The following GAK variants were observed in gnomAD, a reference collection of about 807,000 sequenced individuals.
GAK encodes the protein cyclin G associated kinase.
Under a neutral mutation model 143.9 loss-of-function variants are expected in GAK, and 79 were observed. The ratio of observed to expected loss-of-function variants is 0.55; its 90% confidence interval spans 0.46 to 0.66. The LOEUF (loss-of-function observed/expected upper bound fraction) is 0.66, where lower values mean the gene tolerates loss of function less well. Ranked by LOEUF, GAK falls within the 30% of genes least tolerant of loss-of-function variation. The pLI is 0.00. For missense variants in GAK, 1,693 were observed against 1,779.7 expected, an observed-to-expected ratio of 0.95 and a Z score of 0.88; for synonymous variants, 881 against 765.5, an observed-to-expected ratio of 1.15 and a Z score of -2.49.
At chr4:905,501 T>TGCCACGCTACGGACTCCGCCACGCCCCAG (rs1720908392) in intron 4 of GAK, among the ~76,000 whole-genome samples, 1 of 126,192 alleles carries the variant, frequency 7.9e-6, no homozygotes. Flanking sequence ...CCACGCCCCA[T>TGCCACGCTACGGACTCCGCCACGCCCCAG]GCCACGCTAC....
chr4:918,627 T>G (rs976300701), intron 1 of GAK, among the ~76,000 whole-genome samples: 4 of 152,242 alleles, frequency 2.6e-5, no homozygotes, highest in Admixed American at 2.6e-4. Flanking sequence ...CAAAACATCA[T>G]AGCGTACATG....
chr4:898,941 G>A (rs991748635), intron 5 of GAK, among the ~76,000 whole-genome samples: 4 of 152,156 alleles, frequency 2.6e-5, no homozygotes, highest in Non-Finnish European at 4.4e-5. Context: ...ACCTTCTGGC[G>A]CAGCTCTGAT....
chr4:850,638 G>GGGGGCCCCCCCCCCCCCCCCCCCCCCC, intron 26 of GAK: 1 of 155,518 alleles, frequency 6.4e-6, no homozygotes, highest in Non-Finnish European at 1.4e-5. Context: ...CTCCTGTAAC[G>GGGGGCCCCCCCCCCCCCCCCCCCCCCC]CCCGCCCACC....
chr4:878,795 A>AC (rs1283886400), intron 15 of GAK, among the ~76,000 whole-genome samples: 5 of 151,632 alleles, frequency 3.3e-5, no homozygotes, highest in East Asian at 1.9e-4. Flanking sequence ...TGGAGCATAA[A>AC]CCCCCCAGAG....
chr4:898,533 C>T (rs1158855357), intron 5 of GAK, among the ~76,000 whole-genome samples: 1 of 152,202 alleles, frequency 6.6e-6, no homozygotes, highest in African/African-American at 2.4e-5. Flanking sequence ...AATTAAAAAC[C>T]ACCCATAAAT....
At chr4:926,401 G>C (rs1487444092) in intron 1 of GAK, among the ~76,000 whole-genome samples, 1 of 152,138 alleles carries the variant, frequency 6.6e-6, no homozygotes, top group Non-Finnish European at 1.5e-5. Context: ...CGGGGGCCAG[G>C]ACAGGGGCCC....
intron 4 of GAK, among the ~76,000 whole-genome samples, chr4:909,643 TTC>T (rs3836585): frequency 0.13 from 20,393 of 152,196 alleles, 1,754 homozygotes; most frequent in Middle Eastern, 0.3. Flanking sequence ...ATCATGGAAT[TTC>T]TCTCAGGCTG....
chr4:877,275 A>T, intron 16 of GAK, 68 bp from the exon 17 acceptor site: 16 of 1,068,038 alleles, frequency 1.5e-5, no homozygotes, highest in Non-Finnish European at 2.3e-5. Context: ...AACAACAAAA[A>T]ACAGAATGAG....
At chr4:896,741 C>T (rs1459452960) in intron 6 of GAK, among the ~76,000 whole-genome samples, 192 bp from the exon 7 acceptor site, 3 of 152,278 alleles carry the variant, frequency 2.0e-5, no homozygotes, top group Non-Finnish European at 4.4e-5. Flanking sequence ...TCGGCCTCAG[C>T]GCGCTCCTTA....
chr4:882,534 T>C (rs1203158383), intron 14 of GAK, among the ~76,000 whole-genome samples, 163 bp downstream of exon 14: 1 of 152,242 alleles, frequency 6.6e-6, no homozygotes, highest in Non-Finnish European at 1.5e-5. Flanking sequence ...ATCTGTCATC[T>C]GTCCCCTCCA....
At chr4:893,819 C>T (rs570821518) in intron 8 of GAK, 55 bp downstream of exon 8, 20 of 1,513,172 alleles carry the variant, frequency 1.3e-5, no homozygotes, top group Middle Eastern at 1.8e-4. Context: ...TCCAGAGCCA[C>T]GCGGGGTCTG....
At position 865,186 on chromosome 4, in the gene GAK, C is replaced by T; in HGVS notation, c.3102G>A (p.Leu1034=). The T allele has an allele frequency of 2.5e-6, 4 of 1,613,284 alleles. No homozygotes were observed. The highest frequency in any genetic ancestry group is 3.4e-6 in the Non-Finnish European group (4 of 1,179,864). The part of the protein sequence containing the change: ...MTASSSNPDL[L]GGWAAWTETA... ...TCTCGGTCCAGGCAGCCCATCCTCC[C>T]AGCAGGTCTGGGTTGCTGGACGAGG... Residue 1034 remains leucine (L), a synonymous_variant, in exon 23 of 28, where the codon CTG becomes CTA. Transcript: ENST00000314167.
intron 20 of GAK, among the ~76,000 whole-genome samples, chr4:867,661 G>A (rs573324358): frequency 9.4e-5 from 14 of 149,326 alleles, no homozygotes; most frequent in Admixed American, 6.0e-4. Context: ...GCACCTCCTC[G>A]GCCCAGGGCC....
chr4:889,502 A>T (rs1717230436), intron 10 of GAK, among the ~76,000 whole-genome samples: 1 of 151,958 alleles, frequency 6.6e-6, no homozygotes, highest in Non-Finnish European at 1.5e-5. Flanking sequence ...AGGCCCAGGC[A>T]GCACCGAGCA....
chr4:913,099 G>C (rs1467294047), intron 2 of GAK, among the ~76,000 whole-genome samples: 1 of 152,076 alleles, frequency 6.6e-6, no homozygotes, highest in African/African-American at 2.4e-5. Context: ...CACGGGGGCA[G>C]CAGGCGTGCA....
intron 7 of GAK, among the ~76,000 whole-genome samples, chr4:896,034 G>A (rs554567198): frequency 1.7e-4 from 26 of 152,342 alleles, no homozygotes; most frequent in African/African-American, 6.0e-4. Flanking sequence ...GGCTGAGGCA[G>A]GTGGACCGCT....
At chr4:850,911 C>G in intron 26 of GAK, 25 bp downstream of exon 26, 1 of 1,606,420 alleles carries the variant, frequency 6.2e-7, no homozygotes, top group Non-Finnish European at 8.5e-7. Flanking sequence ...TCTGGGCTCC[C>G]AGGAAGAGCT....
chr4:899,995 A>T (rs1719548642), intron 5 of GAK, among the ~76,000 whole-genome samples: 1 of 152,256 alleles, frequency 6.6e-6, no homozygotes, highest in African/African-American at 2.4e-5. Context: ...TCAGATGCAG[A>T]GCGTGGGGCG....
chr4:928,021 G>A (rs1469268303), intron 1 of GAK, among the ~76,000 whole-genome samples: 1 of 152,230 alleles, frequency 6.6e-6, no homozygotes, highest in East Asian at 1.9e-4. Context: ...TATGTGGGAA[G>A]AGGGTCGGCT....
Sources: allele counts gnomAD v4.1 joint callset (sites outside exome capture counted in the v4.1 genomes callset), GRCh38; gene constraint gnomAD v4.1.1; transcripts MANE v1.5; gene names NCBI Gene and HGNC (gene_info 2026-07-23, HGNC 2026-07-21).